The following PCDHGB7 variants were observed in gnomAD, a reference collection of about 807,000 sequenced individuals.
PCDHGB7 encodes protocadherin gamma-B7.
A neutral mutation model predicts 61.4 loss-of-function variants in PCDHGB7; 37 were observed. The ratio of observed to expected loss-of-function variants is 0.60; its 90% CI spans 0.46 to 0.79. The LOEUF (loss-of-function observed/expected upper bound fraction) is 0.79. Among genes scored for constraint, PCDHGB7 ranks in the 30% least tolerant of loss-of-function variants. The pLI, the probability that PCDHGB7 is intolerant of heterozygous loss-of-function variation, is 0.00. For missense variants in PCDHGB7, 1,166 were observed against 1,202.5 expected (o/e 0.97, Z 0.45); for synonymous variants, 464 against 503.5 (o/e 0.92, Z 1.05).
Position 141,419,454 on chromosome 5 carries a change from T to A in PCDHGB7, c.1595T>A (p.Leu532Gln), listed in dbSNP as rs1191326733. 6.2e-7 allele frequency: 1 copy of A among 1,612,786 alleles called. No homozygotes were observed. Among genetic ancestry groups the A allele is most frequent in the Non-Finnish European group, 8.5e-7 (1 of 1,179,628 alleles). ...HEQLRTFELT[L>Q]QARDQGSPAL... is the part of the protein sequence containing the mutation. ...CAGCTGCGCACCTTCGAGCTCACGC[T>A]GCAGGCCCGCGACCAGGGCTCGCCC... Residue 532 changes from leucine to glutamine, a missense_variant, in exon 1 of 4, where the codon CTG (leucine) becomes CAG (glutamine). Leu to Gln is a moderately radical substitution (Grantham distance 113). Transcript: ENST00000398594.
chr5:141,439,470 T>C (rs1357441747), intron 1 of PCDHGB7, among the ~76,000 whole-genome samples: 1 of 152,220 alleles, frequency 6.6e-6, no homozygotes, highest in African/African-American at 2.4e-5. Flanking sequence ...CTGCTGCCTT[T>C]CAGCTTGCAA....
intron 1 of PCDHGB7, among the ~76,000 whole-genome samples, chr5:141,459,109 C>A (rs1213203625): frequency 6.6e-6 from 1 of 152,174 alleles, no homozygotes; most frequent in Non-Finnish European, 1.5e-5. Context: ...TGCATTTTGA[C>A]AATTGTTTAC....
intron 1 of PCDHGB7, among the ~76,000 whole-genome samples, chr5:141,470,877 T>C (rs1438812002): frequency 1.3e-5 from 2 of 151,808 alleles, no homozygotes; most frequent in Non-Finnish European, 2.9e-5. Context: ...TTTGTTTTTT[T>C]GTTTTTGTTT....
Position 141,491,657 on chromosome 5 carries a change from A to T in PCDHGB7, c.2416-3150A>T. 1.2e-6 allele frequency: 2 copies of T among 1,613,740 alleles called. No homozygotes were observed. Among genetic ancestry groups the T allele is most frequent in the Non-Finnish European group, 1.7e-6 (2 of 1,180,006 alleles). On this transcript the variant is annotated intron_variant, in intron 1 of 3. Transcript: ENST00000398594. The surrounding 1 kb of genome is among the most constrained non-coding windows in gnomAD (Gnocchi z 6.9). ...CCCACAGCTCTGGCGCTGGAGCCTG[A>T]CGCCATCCGGTCCCGCTCTAATACG...
chr5:141,433,204 C>T, intron 1 of PCDHGB7: 6 of 1,566,938 alleles, frequency 3.8e-6, no homozygotes, highest in Admixed American at 2.0e-5. Flanking sequence ...ATCAAATCTT[C>T]TTTCTTTTTT....
Position 141,503,989 on chromosome 5 carries a change from C to T in PCDHGB7, c.2475-1404C>T, listed in dbSNP as rs534696225. Among the ~76,000 whole-genome samples the T allele has an allele frequency of 2.6e-5, 4 of 152,312 alleles. No individual in the cohort carries two copies. The South Asian group carries it at 8.3e-4, about 32-fold the overall frequency. On this transcript the variant is annotated intron_variant, in intron 2 of 3. Transcript: ENST00000398594. ...CATGGTGCCAAACCCTTCTTCTTAC[C>T]TTACAGTCACTTAACTGTCTCTGCT...
chr5:141,418,672 G>A lies in PCDHGB7; in HGVS notation c.813G>A (p.Glu271=), dbSNP rs1170411469. ...GAGTGAAGGCCACTGACCAGGACGAGGGCATCAACTCAGAGATCACTTATT... is the reference window on the plus strand; with the variant it reads ...GAGTGAAGGCCACTGACCAGGACGAAGGCATCAACTCAGAGATCACTTATT... ...ILRVKATDQD[E]GINSEITYSF... Residue 271 remains glutamate, a synonymous_variant, in exon 1 of 4, where the codon GAG becomes GAA. Transcript: ENST00000398594. 3 of 1,614,022 alleles carry A rather than the reference G, an allele frequency of 1.9e-6. No individual in the cohort carries two copies. The highest frequency in any genetic ancestry group is 2.5e-6 in the Non-Finnish European group (3 of 1,179,890).
chr5:141,472,980 C>CAAAAAAAAAAAAAAAAAAGAAAAAAA (rs60579131), intron 1 of PCDHGB7, among the ~76,000 whole-genome samples: 1 of 86,106 alleles, frequency 1.2e-5, no homozygotes, highest in South Asian at 4.3e-4. Flanking sequence ...GAGTGAAACT[C>CAAAAAAAAAAAAAAAAAAGAAAAAAA]AAAAAAAAAA....
chr5:141,503,075 G>A (rs1373753092), intron 2 of PCDHGB7, among the ~76,000 whole-genome samples: 1 of 151,438 alleles, frequency 6.6e-6, no homozygotes, highest in African/African-American at 2.4e-5. Context: ...GAATGGTCTC[G>A]ATCTCCTGAC....
Position 141,490,820 on chromosome 5 carries a change from T to G in PCDHGB7, c.2416-3987T>G. On this transcript the variant is annotated intron_variant, in intron 1 of 3. Transcript: ENST00000398594. The surrounding 1 kb of genome is among the most constrained non-coding windows in gnomAD (Gnocchi z 5.4). ...CAGCGTACCTTTGACTATGAATTGC[T>G]GCAGATGCTGCAGATTGTGGTGGGG... 6.2e-7 allele frequency: 1 copy of G among 1,613,820 alleles called. No homozygotes were observed. Among genetic ancestry groups the G allele is most frequent in the Non-Finnish European group, 8.5e-7 (1 of 1,179,768 alleles).
At chr5:141,478,306 G>A (rs1316502939) in intron 1 of PCDHGB7, 2 of 1,614,056 alleles carry the variant, frequency 1.2e-6, no homozygotes, top group South Asian at 2.2e-5. Flanking sequence ...ACCGAGCCCC[G>A]GTGAGCTCAC....
At chr5:141,475,819 G>A (rs1232669115) in intron 1 of PCDHGB7, 4 of 350,114 alleles carry the variant, frequency 1.1e-5, no homozygotes, top group Non-Finnish European at 1.6e-5. Context: ...GAAGTTCCTG[G>A]CGCTAGCGCG....
chr5:141,448,145 A>G (rs2098568457), intron 1 of PCDHGB7, among the ~76,000 whole-genome samples: 1 of 151,716 alleles, frequency 6.6e-6, no homozygotes, highest in South Asian at 2.1e-4. Flanking sequence ...TATACCTCAG[A>G]CTCACCCCTG....
At position 141,486,368 on chromosome 5, in the gene PCDHGB7, T is replaced by C. The variant is rs1217513529; in HGVS notation, c.2416-8439T>C. 6.2e-7 allele frequency: 1 copy of C among 1,614,014 alleles called. No homozygotes were observed. Among genetic ancestry groups the C allele is most frequent in the Non-Finnish European group, 8.5e-7 (1 of 1,180,000 alleles). On this transcript the variant is annotated intron_variant, in intron 1 of 3. Coordinates refer to ENST00000398594, the MANE Select transcript of PCDHGB7 (RefSeq NM_018927.4). This position sits in a 1 kb window ranked among gnomAD's most constrained non-coding sequence, Gnocchi z 5.0. ...TGACCACTTGCCATTTGCCCTCAAGTCTGCCTTCAGGAACCAGTTCTCCCT... is the reference window on the plus strand; with the variant it reads ...TGACCACTTGCCATTTGCCCTCAAGCCTGCCTTCAGGAACCAGTTCTCCCT...
chr5:141,490,454 CG>C lies in PCDHGB7; in HGVS notation c.2416-4352del. ...ATTAAGCCTTCTGAGAACCACTACT[CG>C]CTGCTAACCAGCCAGCCTTTGGACC... On this transcript the variant is annotated intron_variant, in intron 1 of 3. Coordinates refer to ENST00000398594, the MANE Select transcript of PCDHGB7 (RefSeq NM_018927.4). This position sits in a 1 kb window ranked among gnomAD's most constrained non-coding sequence, Gnocchi z 5.4. The C allele has an allele frequency of 1.2e-6, 2 of 1,614,176 alleles. No individual in the cohort carries two copies. Among genetic ancestry groups the C allele is most frequent in the Non-Finnish European group, 1.7e-6 (2 of 1,180,020 alleles).
At position 141,477,529 on chromosome 5, in the gene PCDHGB7, C is replaced by G; in HGVS notation, c.2416-17278C>G. ...ACGTTTACATTGAAGAAAACAACCT[C>G]CCCGGGGCTCCAATACTAAACCTAA... On this transcript the variant is annotated intron_variant, in intron 1 of 3. Transcript: ENST00000398594. The surrounding 1 kb of genome is among the most constrained non-coding windows in gnomAD (Gnocchi z 4.9). 6.2e-7 allele frequency: 1 copy of G among 1,614,172 alleles called. No homozygotes were observed. The highest frequency in any genetic ancestry group is 8.5e-7 in the Non-Finnish European group (1 of 1,180,032).
chr5:141,485,134 C>G lies in PCDHGB7; in HGVS notation c.2416-9673C>G, dbSNP rs967744072. 1.3e-6 allele frequency: 2 copies of G among 1,495,962 alleles called. No individual in the cohort carries two copies. Among genetic ancestry groups the G allele is most frequent in the South Asian group, 2.4e-5 (2 of 84,482 alleles). 92.7% of individuals were successfully genotyped at this position (1,495,962 alleles called of 1,614,324 possible). ...CTGTTTGGGGCGGGTCGGCTTCATC[C>G]GCGTCTCAGGAGCAAGTAGAGAATT... On this transcript the variant is annotated intron_variant, in intron 1 of 3. Transcript: ENST00000398594. The surrounding 1 kb of genome is among the most constrained non-coding windows in gnomAD (Gnocchi z 5.7).
chr5:141,445,137 T>C (rs933188032), intron 1 of PCDHGB7, among the ~76,000 whole-genome samples: 9 of 152,248 alleles, frequency 5.9e-5, no homozygotes, highest in Admixed American at 3.3e-4. Context: ...AAATTGTATC[T>C]TCTAATTGTT....
chr5:141,473,988 G>A (rs1006988447), intron 1 of PCDHGB7, among the ~76,000 whole-genome samples: 1 of 152,118 alleles, frequency 6.6e-6, no homozygotes, highest in African/African-American at 2.4e-5. Flanking sequence ...AGGATCCCTT[G>A]AGCCCAAGGA....
Sources: gnomAD v4.1 joint callset for allele counts (sites outside exome capture counted in the v4.1 genomes callset) on GRCh38, gnomAD v4.1.1 for gene constraint, Gnocchi (gnomAD v3.1) non-coding constraint, MANE v1.5 for transcripts, NCBI Gene and HGNC (gene_info 2026-07-23, HGNC 2026-07-21) for gene names.